The following NRG3 variants were observed in gnomAD, a reference collection of about 807,000 sequenced individuals.
NRG3 encodes neuregulin 3, also known as pro-neuregulin-3, membrane-bound isoform.
A neutral mutation model predicts 66.9 loss-of-function variants in NRG3; 31 were observed. The observed-to-expected ratio is 0.46, with a 90% CI of 0.35 to 0.63. NRG3 has a LOEUF of 0.63. Among genes scored for constraint, NRG3 ranks in the 20% least tolerant of loss-of-function variants. The pLI is 0.00. For synonymous variants in NRG3, 393 were observed against 359.4 expected (o/e 1.09, Z -1.06); for missense variants, 910 against 878.9 (o/e 1.04, Z -0.45).
intron 4 of NRG3, among the ~76,000 whole-genome samples, chr10:82,919,315 G>T (rs1433451163): frequency 6.6e-6 from 1 of 152,094 alleles, no homozygotes; most frequent in Non-Finnish European, 1.5e-5. Context: ...TGCTCCAAGA[G>T]AGCAAAGCAG....
chr10:82,064,456 A>G (rs1490600872), intron 1 of NRG3, among the ~76,000 whole-genome samples: 1 of 152,194 alleles, frequency 6.6e-6, no homozygotes, highest in African/African-American at 2.4e-5. Context: ...CATTTGCTGA[A>G]CAAATATAAA....
At chr10:82,469,124 G>A (rs1334334517) in intron 2 of NRG3, among the ~76,000 whole-genome samples, 1 of 152,126 alleles carries the variant, frequency 6.6e-6, no homozygotes, top group Non-Finnish European at 1.5e-5. Context: ...GGCCTGTTGA[G>A]TTCTTTTCAT....
intron 1 of NRG3, among the ~76,000 whole-genome samples, chr10:82,162,955 C>G (rs2071720297): frequency 6.6e-6 from 1 of 152,084 alleles, no homozygotes; most frequent in Non-Finnish European, 1.5e-5. Context: ...CTGTTGGGAA[C>G]TAGTTGGCAG....
chr10:82,381,603 G>T (rs1388896932), intron 2 of NRG3, among the ~76,000 whole-genome samples: 1 of 152,070 alleles, frequency 6.6e-6, no homozygotes. Flanking sequence ...TTTATATCTA[G>T]GTAACTTTGT....
intron 2 of NRG3, among the ~76,000 whole-genome samples, chr10:82,506,209 C>G (rs1844660327): frequency 6.6e-6 from 1 of 152,206 alleles, no homozygotes; most frequent in Non-Finnish European, 1.5e-5. Flanking sequence ...GATTGCGCCA[C>G]TGCACTCCAG....
chr10:81,940,359 G>A (rs1188657974), intron 1 of NRG3, among the ~76,000 whole-genome samples: 1 of 151,638 alleles, frequency 6.6e-6, no homozygotes, highest in Admixed American at 6.6e-5. Context: ...TGTCTTTTTT[G>A]TTTTTTAGAG....
chr10:82,723,611 T>C (rs1173552603), intron 2 of NRG3, among the ~76,000 whole-genome samples: 3 of 152,214 alleles, frequency 2.0e-5, no homozygotes, highest in Non-Finnish European at 4.4e-5. Flanking sequence ...TGATAGTCTA[T>C]AAATGTGTGA....
intron 3 of NRG3, among the ~76,000 whole-genome samples, chr10:82,843,513 A>T (rs1200909141): frequency 1.3e-5 from 2 of 152,248 alleles, no homozygotes; most frequent in Non-Finnish European, 2.9e-5. Flanking sequence ...AGACTAATAC[A>T]GTAATGAAAA....
chr10:82,454,722 A>G (rs1399334507), intron 2 of NRG3, among the ~76,000 whole-genome samples: 2 of 152,220 alleles, frequency 1.3e-5, no homozygotes, highest in Non-Finnish European at 2.9e-5. Flanking sequence ...AACACAGGTG[A>G]TATCTCTTTG....
At chr10:82,490,702 T>A (rs1258040297) in intron 2 of NRG3, among the ~76,000 whole-genome samples, 1 of 152,120 alleles carries the variant, frequency 6.6e-6, no homozygotes, top group Non-Finnish European at 1.5e-5. Context: ...TAACAGATAT[T>A]TAAGACAATA....
intron 1 of NRG3, among the ~76,000 whole-genome samples, chr10:82,027,721 C>T (rs748959804): frequency 6.6e-6 from 1 of 152,070 alleles, no homozygotes; most frequent in Non-Finnish European, 1.5e-5. Flanking sequence ...TGACACACTG[C>T]TTTGGAGCCC....
At chr10:82,461,285 G>A (rs1172425208) in intron 2 of NRG3, among the ~76,000 whole-genome samples, 1 of 149,108 alleles carries the variant, frequency 6.7e-6, no homozygotes, top group Non-Finnish European at 1.5e-5. Context: ...AAATACCATT[G>A]TGACAACTAT....
intron 1 of NRG3, among the ~76,000 whole-genome samples, chr10:82,115,984 T>G (rs2132299137): frequency 6.6e-6 from 1 of 152,272 alleles, no homozygotes; most frequent in East Asian, 1.9e-4. Flanking sequence ...AAGCTCTGAC[T>G]TTTTGACTAA....
intron 2 of NRG3, among the ~76,000 whole-genome samples, chr10:82,703,359 T>G (rs1193203691): frequency 6.6e-6 from 1 of 152,160 alleles, no homozygotes; most frequent in Non-Finnish European, 1.5e-5. Flanking sequence ...TTGTTTTATC[T>G]ATTTATTTCC....
chr10:82,816,378 G>A (rs947358133), intron 3 of NRG3, among the ~76,000 whole-genome samples: 26 of 152,320 alleles, frequency 1.7e-4, no homozygotes, highest in African/African-American at 5.5e-4. Context: ...CCGCAGGCAG[G>A]TCATCCCGAT....
intron 1 of NRG3, among the ~76,000 whole-genome samples, chr10:82,343,812 C>T (rs2082815425): frequency 6.6e-6 from 1 of 152,028 alleles, no homozygotes; most frequent in Non-Finnish European, 1.5e-5. Context: ...TGCCTGGGTT[C>T]CCAAATCTCC....
At chr10:82,262,273 T>TG (rs1353791058) in intron 1 of NRG3, among the ~76,000 whole-genome samples, 1 of 152,180 alleles carries the variant, frequency 6.6e-6, no homozygotes, top group Non-Finnish European at 1.5e-5. Flanking sequence ...AAGGATTGGT[T>TG]GGTAGGACAC....
chr10:82,685,476 C>A (rs2054444240), intron 2 of NRG3, among the ~76,000 whole-genome samples: 1 of 152,126 alleles, frequency 6.6e-6, no homozygotes, highest in South Asian at 2.1e-4. Context: ...CTGGAAGTTG[C>A]CCTGGTTGAG....
chr10:81,954,309 G>A (rs1431676595), intron 1 of NRG3, among the ~76,000 whole-genome samples: 1 of 152,024 alleles, frequency 6.6e-6, no homozygotes, highest in Non-Finnish European at 1.5e-5. Context: ...TTGAATACTG[G>A]CAGTCATGAC....
Sources: allele counts gnomAD v4.1 joint callset (sites outside exome capture counted in the v4.1 genomes callset), GRCh38; gene constraint gnomAD v4.1.1; transcripts MANE v1.5; gene names NCBI Gene and HGNC (gene_info 2026-07-23, HGNC 2026-07-21).